The following TBC1D8 variants were observed in gnomAD, a reference collection of about 807,000 sequenced individuals.
The protein encoded by TBC1D8 is BUB2-like protein 1.
A neutral mutation model predicts 118.8 loss-of-function variants in TBC1D8; 65 were observed. The ratio of observed to expected loss-of-function variants is 0.55; its 90% CI spans 0.45 to 0.67. The LOEUF is 0.67. TBC1D8 is among the 30% of genes least tolerant of loss of function. TBC1D8 has a pLI of 0.00. For synonymous variants in TBC1D8, 566 were observed against 595.8 expected (o/e 0.95, Z 0.73); for missense variants, 1,376 against 1,471.2 (o/e 0.94, Z 1.06).
At chr2:101,064,241 G>A (rs188050151) in intron 2 of TBC1D8, among the ~76,000 whole-genome samples, 6 of 152,258 alleles carry the variant, frequency 3.9e-5, no homozygotes, top group Admixed American at 2.0e-4. Flanking sequence ...AAGAGACACC[G>A]GGGAAGTGCA....
At chr2:101,022,850 C>G (rs1488413598) in intron 15 of TBC1D8, among the ~76,000 whole-genome samples, 1 of 152,208 alleles carries the variant, frequency 6.6e-6, no homozygotes, top group African/African-American at 2.4e-5. Flanking sequence ...CACTTAAAAT[C>G]CTACTTTTTT....
chr2:101,039,336 A>C (rs1156546369), intron 6 of TBC1D8, among the ~76,000 whole-genome samples: 2 of 152,242 alleles, frequency 1.3e-5, no homozygotes, highest in Non-Finnish European at 2.9e-5. Flanking sequence ...CAGAATAATA[A>C]CATGGAGTTA....
At chr2:101,038,407 G>T (rs775540578) in intron 7 of TBC1D8, 54 bp downstream of exon 7, 4 of 1,582,750 alleles carry the variant, frequency 2.5e-6, no homozygotes, top group Non-Finnish European at 3.4e-6. Context: ...CCCCTTTGGA[G>T]ACCACGGCCT....
Position 101,007,579 on chromosome 2 carries a change from C to A in TBC1D8, c.*242G>T. ...GCAGAAGTGCCCATTTCAGCAAATCCGGTAAAAATTGTAAGTTGGCATCAA... is the reference window on the plus strand; with the variant it reads ...GCAGAAGTGCCCATTTCAGCAAATCAGGTAAAAATTGTAAGTTGGCATCAA... On this transcript the variant is annotated 3_prime_UTR_variant, in exon 20 of 20. Transcript: ENST00000409318. 1 of 500,576 alleles carries A rather than the reference C, an allele frequency of 2.0e-6. No homozygotes were observed. Among genetic ancestry groups the A allele is most frequent in the Non-Finnish European group, 3.5e-6 (1 of 282,046 alleles). 31.0% of individuals were successfully genotyped at this position (500,576 alleles called of 1,614,324 possible). A position where few individuals can be genotyped will look rare whatever the true frequency, so the allele number is the denominator to read the frequency against.
chr2:101,084,029 G>A (rs186066983), intron 2 of TBC1D8, among the ~76,000 whole-genome samples: 17 of 152,276 alleles, frequency 1.1e-4, no homozygotes, highest in African/African-American at 3.8e-4. Flanking sequence ...ATGTTCTGTG[G>A]GCAAGAAGGC....
rs544935478 is a variant in TBC1D8 at position 101,011,449 on chromosome 2, G to A, written c.2917+2C>T. The A allele has an allele frequency of 2.0e-5, 32 of 1,613,890 alleles. No homozygotes were observed. Among genetic ancestry groups the A allele is most frequent in the Non-Finnish European group, 3.4e-6 (4 of 1,179,796 alleles). On this transcript the variant is annotated splice_donor_variant, in intron 18 of 19. Transcript: ENST00000409318. LOFTEE classifies it low-confidence loss of function (GC_TO_GT_DONOR). Reference sequence around the variant, plus strand: ...AAAGCAACAATGAAAAGAGGTACGTGCCATTGGGTTTCCCGAAAACCAGGG... The same window carrying A: ...AAAGCAACAATGAAAAGAGGTACGTACCATTGGGTTTCCCGAAAACCAGGG...
Position 101,037,713 on chromosome 2 carries a change from A to G in TBC1D8, c.1276-5T>C. On this transcript the variant is annotated splice_region_variant and splice_polypyrimidine_tract_variant and intron_variant, in intron 7 of 19. Coordinates refer to ENST00000409318, the MANE Select transcript of TBC1D8 (RefSeq NM_001330348.2). ...TGAATGAAACACGAGTGAAGCCTGC[A>G]CAGCAAGAGAGACAGAGACAGAGAG... 1 of 1,612,470 alleles carries G rather than the reference A, an allele frequency of 6.2e-7. No homozygotes were observed. Among genetic ancestry groups the G allele is most frequent in the Non-Finnish European group, 8.5e-7 (1 of 1,179,888 alleles).
chr2:101,047,364 C>T lies in TBC1D8; in HGVS notation c.872+3037G>A, dbSNP rs1362018762. 5.3e-5 allele frequency among the ~76,000 whole-genome samples: 8 copies of T among 152,332 alleles called. No individual in the cohort carries two copies. In the East Asian group the frequency reaches 7.7e-4, roughly 15 times the overall value. Reference sequence around the variant, plus strand: ...ACTAATTGGCAATCTGAGGCTCACCCGGCTCGTGACCCCAAGGGCACCTTT... The same window carrying T: ...ACTAATTGGCAATCTGAGGCTCACCTGGCTCGTGACCCCAAGGGCACCTTT... On this transcript the variant is annotated intron_variant, in intron 5 of 19. Coordinates refer to ENST00000409318, the MANE Select transcript of TBC1D8 (RefSeq NM_001330348.2).
intron 1 of TBC1D8, among the ~76,000 whole-genome samples, chr2:101,115,223 C>T (rs1433142468): frequency 1.3e-5 from 2 of 152,150 alleles, no homozygotes; most frequent in Non-Finnish European, 1.5e-5. Context: ...GATGCATCTC[C>T]GCCAACATCC....
At chr2:101,148,269 G>C (rs7561868) in intron 1 of TBC1D8, among the ~76,000 whole-genome samples, 2 of 152,100 alleles carry the variant, frequency 1.3e-5, no homozygotes, top group South Asian at 4.1e-4. Flanking sequence ...CAATCAGTCC[G>C]AAATGCTGGG....
chr2:101,096,612 G>A (rs1453711964), intron 1 of TBC1D8, among the ~76,000 whole-genome samples: 1 of 152,050 alleles, frequency 6.6e-6, no homozygotes. Flanking sequence ...GGTAAACAGA[G>A]AGATGGAAAC....
chr2:101,144,501 G>A (rs1434459405), intron 1 of TBC1D8, among the ~76,000 whole-genome samples: 1 of 152,176 alleles, frequency 6.6e-6, no homozygotes, highest in Non-Finnish European at 1.5e-5. Flanking sequence ...AACCCAAGAG[G>A]TGGTTCAGGG....
chr2:101,052,366 A>G (rs1682127391), intron 4 of TBC1D8, among the ~76,000 whole-genome samples: 1 of 152,248 alleles, frequency 6.6e-6, no homozygotes, highest in Non-Finnish European at 1.5e-5. Context: ...AGAGCCAGCA[A>G]GGAGAACAGA....
intron 1 of TBC1D8, among the ~76,000 whole-genome samples, chr2:101,129,522 A>C (rs1435830515): frequency 6.6e-6 from 1 of 152,152 alleles, no homozygotes; most frequent in African/African-American, 2.4e-5. Context: ...AGCCCAGAAC[A>C]AAAGTAGCTG....
chr2:101,101,975 T>A (rs753035992), intron 1 of TBC1D8, among the ~76,000 whole-genome samples: 10 of 147,098 alleles, frequency 6.8e-5, no homozygotes, highest in Non-Finnish European at 1.2e-4. Flanking sequence ...TATACCTATG[T>A]AACAAACCTG....
rs1681281939 is a variant in TBC1D8 at position 101,040,075 on chromosome 2, G to A, written c.1080+103C>T. 3 of 1,338,148 alleles carry A rather than the reference G, an allele frequency of 2.2e-6. No individual in the cohort carries two copies. The Admixed American group carries it at 6.0e-5, about 27-fold the overall frequency. The allele number at this position is 1,338,148 out of a possible 1,614,324, so 82.9% of individuals were successfully genotyped here. ...TCATCCATCTTTAGATGGCAAAACT[G>A]TGCCGTCTGAACTTCCCCTCCCACA... On this transcript the variant is annotated intron_variant, in intron 6 of 19. Coordinates refer to ENST00000409318, the MANE Select transcript of TBC1D8 (RefSeq NM_001330348.2).
chr2:101,135,176 AAAGAAAAAAGAAAC>A (rs1302966443), intron 1 of TBC1D8, among the ~76,000 whole-genome samples: 3 of 152,230 alleles, frequency 2.0e-5, no homozygotes, highest in African/African-American at 2.4e-5. Flanking sequence ...CGTCTCAAAA[AAAGAAAAAAGAAAC>A]AAGAAAAAAG....
intron 9 of TBC1D8, among the ~76,000 whole-genome samples, chr2:101,034,941 T>C (rs189079133): frequency 1.3e-5 from 2 of 152,156 alleles, no homozygotes; most frequent in East Asian, 3.9e-4. Flanking sequence ...CAGTGACCAC[T>C]GACCACACCC....
intron 1 of TBC1D8, among the ~76,000 whole-genome samples, chr2:101,124,560 A>T (rs536848597): frequency 6.6e-6 from 1 of 152,294 alleles, no homozygotes; most frequent in South Asian, 2.1e-4. Flanking sequence ...GTGGCAAGGA[A>T]TCTAAGTAAA....
Sources: allele counts gnomAD v4.1 joint callset (sites outside exome capture counted in the v4.1 genomes callset), GRCh38; gene constraint gnomAD v4.1.1; transcripts MANE v1.5; gene names NCBI Gene and HGNC (gene_info 2026-07-23, HGNC 2026-07-21).